SGCD: variants seen among roughly 807,000 people sequenced by gnomAD.
The protein encoded by SGCD is delta-sarcoglycan.
SGCD carries 18 observed loss-of-function variants against 36.6 expected under a neutral mutation model. The ratio of observed to expected loss-of-function variants is 0.49; its 90% CI spans 0.34 to 0.73. SGCD has a LOEUF of 0.73. Ranked by LOEUF, SGCD falls within the 30% of genes least tolerant of loss-of-function variation. The probability of loss-of-function intolerance (pLI) is 0.01; values close to 1 mark genes in which losing one functional copy is unlikely to be tolerated. For synonymous variants in SGCD, 133 were observed against 130.6 expected (o/e 1.02, Z -0.12); for missense variants, 387 against 346.7 (o/e 1.12, Z -0.92).
intron 7 of SGCD, among the ~76,000 whole-genome samples, chr5:156,756,049 A>C (rs1199985968): frequency 6.6e-6 from 1 of 152,222 alleles, no homozygotes; most frequent in African/African-American, 2.4e-5. Context: ...CAAAAACAGA[A>C]CAAAGAATCA....
intron 1 of SGCD, among the ~76,000 whole-genome samples, chr5:156,056,434 C>T (rs1760058970): frequency 6.9e-6 from 1 of 144,524 alleles, no homozygotes; most frequent in African/African-American, 2.5e-5. Context: ...ATTGTAGGAC[C>T]TAATATCAGT....
chr5:156,738,979 C>T (rs1475107700), intron 7 of SGCD, among the ~76,000 whole-genome samples: 2 of 152,204 alleles, frequency 1.3e-5, no homozygotes, highest in African/African-American at 2.4e-5. Flanking sequence ...TCCTACATTC[C>T]CTTCTAAGAA....
chr5:155,999,311 C>G (rs1479927023), intron 1 of SGCD, among the ~76,000 whole-genome samples: 2 of 152,164 alleles, frequency 1.3e-5, no homozygotes, highest in Non-Finnish European at 2.9e-5. Context: ...GTTTGTTTCC[C>G]CCACTAAACA....
chr5:156,566,622 C>T (rs1057076955), intron 4 of SGCD, among the ~76,000 whole-genome samples: 3 of 151,952 alleles, frequency 2.0e-5, no homozygotes, highest in African/African-American at 7.3e-5. Flanking sequence ...TTAATAAACC[C>T]CTGTTTTTCT....
chr5:156,031,845 T>C (rs924122979), intron 1 of SGCD, among the ~76,000 whole-genome samples: 3 of 152,190 alleles, frequency 2.0e-5, no homozygotes, highest in Non-Finnish European at 2.9e-5. Context: ...AGTGGTCTGA[T>C]TCCAGGGCCC....
intron 1 of SGCD, among the ~76,000 whole-genome samples, chr5:156,014,568 T>C (rs775006182): frequency 6.6e-6 from 1 of 152,232 alleles, no homozygotes; most frequent in Non-Finnish European, 1.5e-5. Flanking sequence ...TATTCTCTTA[T>C]ACAATCTTAG....
At chr5:156,721,623 T>A (rs1291557008) in intron 7 of SGCD, among the ~76,000 whole-genome samples, 2 of 152,142 alleles carry the variant, frequency 1.3e-5, no homozygotes, top group Non-Finnish European at 2.9e-5. Flanking sequence ...ATGGAGCACA[T>A]CTGCATGCAG....
rs1754346891 is a variant in SGCD at position 156,458,423 on chromosome 5, A to C, written c.193-50178A>C. 8.7e-6 allele frequency: 14 copies of C among 1,607,190 alleles called. No individual in the cohort carries two copies. The South Asian group carries it at 1.4e-4, about 16-fold the overall frequency. On this transcript the variant is annotated intron_variant, in intron 3 of 8. Transcript: ENST00000337851. ...TGTTGATGTGATCGATGTAGTAGAC[A>C]CCAATCTGAGGGTCAAACCCTGATT...
intron 5 of SGCD, among the ~76,000 whole-genome samples, chr5:156,589,896 G>A (rs749518382): frequency 6.6e-6 from 1 of 152,152 alleles, no homozygotes; most frequent in Non-Finnish European, 1.5e-5. Context: ...CACCCACTGT[G>A]TTTTAAACTA....
intron 3 of SGCD, among the ~76,000 whole-genome samples, chr5:156,226,901 A>G (rs1026412541): frequency 2.0e-5 from 3 of 151,734 alleles, no homozygotes; most frequent in African/African-American, 4.8e-5. Context: ...TCTTGTTTTG[A>G]GAAGTGTCTA....
intron 4 of SGCD, among the ~76,000 whole-genome samples, chr5:156,516,367 T>C (rs1172957769): frequency 6.6e-6 from 1 of 152,136 alleles, no homozygotes; most frequent in Non-Finnish European, 1.5e-5. Flanking sequence ...ACTCCACTGG[T>C]GACACCTCCA....
At chr5:156,089,695 G>C (rs1335067729) in intron 1 of SGCD, among the ~76,000 whole-genome samples, 1 of 152,204 alleles carries the variant, frequency 6.6e-6, no homozygotes, top group Non-Finnish European at 1.5e-5. Context: ...CACACCCCTA[G>C]TGGGTGGGAG....
intron 2 of SGCD, among the ~76,000 whole-genome samples, chr5:156,118,589 A>G (rs1761959487): frequency 6.6e-6 from 1 of 152,190 alleles, no homozygotes; most frequent in Non-Finnish European, 1.5e-5. Flanking sequence ...TGAGAGACAC[A>G]TATTTCATTA....
At chr5:155,778,523 T>C in the SGCD span, among the ~76,000 whole-genome samples, 1 of 152,174 alleles carries the variant, frequency 6.6e-6, no homozygotes, top group Non-Finnish European at 1.5e-5. Flanking sequence ...ACATTCAGTA[T>C]TTAAAATATA....
intron 1 of SGCD, among the ~76,000 whole-genome samples, chr5:156,109,635 G>A (rs917239636): frequency 9.2e-5 from 14 of 151,982 alleles, no homozygotes; most frequent in Non-Finnish European, 1.3e-4. Flanking sequence ...TTTCTTACCC[G>A]TAGTTTCTTC....
chr5:155,808,382 T>A, the SGCD span, among the ~76,000 whole-genome samples: 2 of 152,180 alleles, frequency 1.3e-5, no homozygotes, highest in Non-Finnish European at 2.9e-5. Flanking sequence ...TGCATTTTGT[T>A]CTCATTAAAA....
rs761053705 is a variant in SGCD at position 156,054,942 on chromosome 5, A to T, written c.-281-62936A>T. Among the ~76,000 whole-genome samples the T allele has an allele frequency of 2.3e-4, 34 of 146,152 alleles. 6 individuals are homozygous for T. Among genetic ancestry groups the T allele is most frequent in the Non-Finnish European group, 5.1e-4 (33 of 64,976 alleles). ...AACCAGAAAACCTGGACAGTGTGCCAGTCATTCTATTTTTTCACTCATTCA... is the reference window on the plus strand; with the variant it reads ...AACCAGAAAACCTGGACAGTGTGCCTGTCATTCTATTTTTTCACTCATTCA... On this transcript the variant is annotated intron_variant, in intron 1 of 9. Transcript: ENST00000517913.
At chr5:156,012,886 G>A (rs1030913382) in intron 1 of SGCD, among the ~76,000 whole-genome samples, 142 of 151,036 alleles carry the variant, frequency 9.4e-4, no homozygotes, top group Non-Finnish European at 5.9e-5. Flanking sequence ...GATTACAGGC[G>A]TGAGCCACCG....
chr5:156,282,291 T>A (rs1766473653), intron 3 of SGCD, among the ~76,000 whole-genome samples: 1 of 152,200 alleles, frequency 6.6e-6, no homozygotes, highest in South Asian at 2.1e-4. Context: ...TTTAACTTGC[T>A]CATCCTGCTT....
Sources: gnomAD v4.1 joint callset for allele counts (sites outside exome capture counted in the v4.1 genomes callset) on GRCh38, gnomAD v4.1.1 for gene constraint, MANE v1.5 for transcripts, NCBI Gene and HGNC (gene_info 2026-07-23, HGNC 2026-07-21) for gene names.